ZNF800: variants seen among roughly 807,000 people sequenced by gnomAD.
The protein encoded by ZNF800 is zinc finger protein 800.
ZNF800 carries 13 observed loss-of-function variants against 59.5 expected under a neutral mutation model. The observed-to-expected ratio is 0.22, with a 90% CI of 0.14 to 0.35. The LOEUF (loss-of-function observed/expected upper bound fraction) is 0.35, where lower values mean the gene tolerates loss of function less well. Among genes scored for constraint, ZNF800 ranks in the 10% least tolerant of loss-of-function variants. ZNF800 has a pLI of 1.00. For synonymous variants in ZNF800, 266 were observed against 265.7 expected (o/e 1.00, Z -0.01); for missense variants, 621 against 783.7 (o/e 0.79, Z 2.48).
At chr7:127,367,707 A>G (rs1175972367), downstream of ZNF800, among the ~76,000 whole-genome samples, 1 of 152,160 alleles carries the variant, frequency 6.6e-6, no homozygotes, top group African/African-American at 2.4e-5. Flanking sequence ...CTCAAAATAC[A>G]TGGTGTACAA....
chr7:127,386,990 C>T (rs577662192), intron 2 of ZNF800, among the ~76,000 whole-genome samples: 1 of 151,980 alleles, frequency 6.6e-6, no homozygotes, highest in Non-Finnish European at 1.5e-5. Context: ...TTGCTTTCTG[C>T]CTCACACTTT....
intron 3 of ZNF800, among the ~76,000 whole-genome samples, chr7:127,383,210 T>A (rs561658398): frequency 6.6e-6 from 1 of 152,132 alleles, no homozygotes; most frequent in Non-Finnish European, 1.5e-5. Context: ...CCAGCTTGCA[T>A]AGGAATTAAT....
intron 1 of ZNF800, among the ~76,000 whole-genome samples, chr7:127,351,182 T>C (rs1007120761): frequency 2.6e-5 from 4 of 152,236 alleles, no homozygotes; most frequent in African/African-American, 9.6e-5. Flanking sequence ...TATTTGATTC[T>C]GCACTCCCCT....
chr7:127,348,387 G>C (rs1800109159), intron 1 of ZNF800, among the ~76,000 whole-genome samples: 1 of 146,164 alleles, frequency 6.8e-6, no homozygotes, highest in Admixed American at 6.9e-5. Flanking sequence ...AGGGTGTTCA[G>C]TGCAGTATCT....
intron 1 of ZNF800, among the ~76,000 whole-genome samples, chr7:127,351,223 G>A (rs1800162289): frequency 6.6e-6 from 1 of 152,024 alleles, no homozygotes; most frequent in South Asian, 2.1e-4. Flanking sequence ...CTGTACTTTT[G>A]TTCTTGGCAT....
rs893422483 is a variant in ZNF800 at position 127,392,268 on chromosome 7, C to G, written c.-267G>C. 42 of 392,708 alleles carry G rather than the reference C, an allele frequency of 1.1e-4. 1 individual carries two copies. Among genetic ancestry groups the G allele is most frequent in the East Asian group, 1.0e-3 (29 of 27,650 alleles). 24.3% of individuals were successfully genotyped at this position (392,708 alleles called of 1,614,324 possible). ...AAGCGCCACAGCTCACCACGTCCCTCCGCGGGCCGAGACGACTGCGGCGGC... is the reference window on the plus strand; with the variant it reads ...AAGCGCCACAGCTCACCACGTCCCTGCGCGGGCCGAGACGACTGCGGCGGC... On this transcript the variant is annotated 5_prime_UTR_variant, in exon 1 of 6. Transcript: ENST00000265827.
intron 1 of ZNF800, among the ~76,000 whole-genome samples, chr7:127,350,897 A>G (rs973079821): frequency 6.6e-6 from 1 of 152,196 alleles, no homozygotes; most frequent in African/African-American, 2.4e-5. Context: ...CCATTTGAAT[A>G]TTTATTGAGA....
downstream of ZNF800, among the ~76,000 whole-genome samples, chr7:127,342,964 C>T (rs1262573457): frequency 6.6e-6 from 1 of 152,092 alleles, no homozygotes; most frequent in East Asian, 1.9e-4. Context: ...ATAACAAAAA[C>T]CTCACAATAC....
In ZNF800 at chr7:127,356,962, T is replaced by C. The variant is rs867415677; in HGVS notation, n.225-8919A>G. 2.6e-5 allele frequency among the ~76,000 whole-genome samples: 4 copies of C among 152,174 alleles called. No homozygotes were observed. In the South Asian group the frequency reaches 6.2e-4, roughly 24 times the overall value. ...GGGAATTCTTTCCTTTAAAGGCATA[T>C]TTTAAAAGTTAATGCCAAAAAAGTT... is the stretch of plus-strand genomic sequence containing the variant. On this transcript the variant is annotated intron_variant and non_coding_transcript_variant, in intron 1 of 1. Transcript: ENST00000485577.
intron 1 of ZNF800, among the ~76,000 whole-genome samples, chr7:127,355,049 T>C (rs1800242526): frequency 3.3e-5 from 5 of 152,084 alleles, no homozygotes; most frequent in Admixed American, 3.3e-4. Context: ...ATTGAGTAAA[T>C]ATTAAATGTA....
chr7:127,366,470 G>A (rs1800509166), downstream of ZNF800, among the ~76,000 whole-genome samples: 1 of 152,104 alleles, frequency 6.6e-6, no homozygotes, highest in African/African-American at 2.4e-5. Flanking sequence ...ACTTCAGGCT[G>A]TCTATGAATC....
intron 1 of ZNF800, chr7:127,350,211 C>G (rs760107108): frequency 6.6e-6 from 1 of 152,210 alleles, no homozygotes; most frequent in Non-Finnish European, 1.5e-5. Context: ...ACTTCCTCCT[C>G]CAGAAACATG....
chr7:127,366,421 T>C (rs550269156), downstream of ZNF800, among the ~76,000 whole-genome samples: 1 of 152,164 alleles, frequency 6.6e-6, no homozygotes, highest in African/African-American at 2.4e-5. Flanking sequence ...TGGCCTAATA[T>C]GCTGCTACAA....
At chr7:127,373,188 A>G in intron 5 of ZNF800, 154 bp downstream of exon 5, 1 of 1,435,140 alleles carries the variant, frequency 7.0e-7, no homozygotes, top group Non-Finnish European at 9.1e-7. Context: ...TGAAGAGGTA[A>G]ATGCAATATG....
chr7:127,379,017 G>C (rs1316620294), intron 3 of ZNF800, among the ~76,000 whole-genome samples: 2 of 152,014 alleles, frequency 1.3e-5, no homozygotes, highest in African/African-American at 2.4e-5. Context: ...AAAATGTATA[G>C]AATAAAATAA....
intron 1 of ZNF800, chr7:127,362,175 T>C (rs1272520511): frequency 2.0e-5 from 3 of 152,032 alleles, no homozygotes; most frequent in Non-Finnish European, 4.4e-5. Flanking sequence ...CCAAAAATAA[T>C]ATTTAGACCA....
At chr7:127,367,541 A>G (rs1003085371), downstream of ZNF800, among the ~76,000 whole-genome samples, 3 of 152,158 alleles carry the variant, frequency 2.0e-5, no homozygotes, top group African/African-American at 7.2e-5. Context: ...GATTTAGCAG[A>G]GTGCTTGGCA....
chr7:127,348,697 C>G (rs1236789109), intron 1 of ZNF800, among the ~76,000 whole-genome samples: 1 of 152,228 alleles, frequency 6.6e-6, no homozygotes, highest in Non-Finnish European at 1.5e-5. Flanking sequence ...AAATGTTAAG[C>G]AGTTATCTCC....
At chr7:127,346,572 CAG>C (rs201881015), downstream of ZNF800, among the ~76,000 whole-genome samples, 48 of 152,088 alleles carry the variant, frequency 3.2e-4, no homozygotes, top group East Asian at 1.2e-3. Context: ...GAACGCAAGA[CAG>C]GGGCTGATAA....
Sources: allele counts gnomAD v4.1 joint callset (sites outside exome capture counted in the v4.1 genomes callset), GRCh38; gene constraint gnomAD v4.1.1; transcripts MANE v1.5; gene names NCBI Gene and HGNC (gene_info 2026-07-23, HGNC 2026-07-21).